The following RNF121 variants were observed in gnomAD, a reference collection of about 807,000 sequenced individuals.
The protein encoded by RNF121 is E3 ubiquitin ligase RNF121.
Under a neutral mutation model 46.5 loss-of-function variants are expected in RNF121, and 21 were observed. The ratio of observed to expected loss-of-function variants is 0.45; its 90% confidence interval spans 0.32 to 0.65. The LOEUF (loss-of-function observed/expected upper bound fraction) is 0.65. Ranked by LOEUF, RNF121 falls within the 30% of genes least tolerant of loss-of-function variation. The probability of loss-of-function intolerance (pLI) is 0.04; values close to 1 mark genes in which losing one functional copy is unlikely to be tolerated. For missense variants in RNF121, 346 were observed against 416.0 expected (o/e 0.83, Z 1.46); for synonymous variants, 139 against 144.7 (o/e 0.96, Z 0.28).
intron 1 of RNF121, among the ~76,000 whole-genome samples, chr11:71,951,854 C>T (rs1387047565): frequency 1.3e-5 from 2 of 152,216 alleles, no homozygotes; most frequent in African/African-American, 4.8e-5. Flanking sequence ...AAATTGGAAC[C>T]CTCACACACT....
intron 1 of RNF121, among the ~76,000 whole-genome samples, chr11:71,947,368 A>G (rs535200338): frequency 6.6e-6 from 1 of 152,082 alleles, no homozygotes; most frequent in Non-Finnish European, 1.5e-5. Context: ...ATGTGCCTAT[A>G]GTCCTAGCTA....
chr11:71,952,665 C>T (rs1565146354), intron 1 of RNF121, among the ~76,000 whole-genome samples: 1 of 152,036 alleles, frequency 6.6e-6, no homozygotes, highest in Admixed American at 6.6e-5. Context: ...AAAAATTAGC[C>T]AGGCGTGGTG....
Position 71,996,285 on chromosome 11 carries a change from A to G in RNF121, c.954A>G (p.Gln318=). The G allele has an allele frequency of 6.2e-7, 1 of 1,614,178 alleles. No homozygotes were observed. The highest frequency in any genetic ancestry group is 8.5e-7 in the Non-Finnish European group (1 of 1,180,016). ...AWQPVIIGVV[Q]GINYILGLE ...AGCCTGTCATCATTGGTGTAGTCCAAGGCATCAACTACATCCTGGGCCTGG... is the reference window on the plus strand; with the variant it reads ...AGCCTGTCATCATTGGTGTAGTCCAGGGCATCAACTACATCCTGGGCCTGG... Residue 318 remains glutamine (Q), a synonymous_variant, in exon 9 of 9, where the codon CAA becomes CAG. Coordinates refer to ENST00000361756, the MANE Select transcript of RNF121 (RefSeq NM_018320.5).
Position 71,996,758 on chromosome 11 carries a change from T to TG in RNF121, c.*443_*444insG. 1 of 174,304 alleles carries TG rather than the reference T, an allele frequency of 5.7e-6. No homozygotes were observed. The highest frequency in any genetic ancestry group is 1.1e-4 in the South Asian group (1 of 8,980). 10.8% of individuals were successfully genotyped at this position (174,304 alleles called of 1,614,324 possible). A position where few individuals can be genotyped will look rare whatever the true frequency, so the allele number is the denominator to read the frequency against. ...TGGGGCTCAAGCCTGGTGCACTTAG[T>TG]ATAGAAGAGCTAACGTACTCAGGCT... On this transcript the variant is annotated 3_prime_UTR_variant, in exon 9 of 9. Transcript: ENST00000361756.
chr11:71,974,130 A>T (rs533165009), intron 3 of RNF121, among the ~76,000 whole-genome samples: 53 of 152,102 alleles, frequency 3.5e-4, no homozygotes, highest in African/African-American at 1.3e-3. Flanking sequence ...TTTAGTAGAG[A>T]CGGGGTTTCA....
intron 1 of RNF121, among the ~76,000 whole-genome samples, chr11:71,935,527 G>C (rs745529973): frequency 3.2e-4 from 49 of 152,308 alleles, no homozygotes; most frequent in Non-Finnish European, 7.1e-4. Flanking sequence ...TGGAGTCATG[G>C]TATTTGTCTT....
At chr11:71,955,210 C>A (rs1368611479) in intron 1 of RNF121, among the ~76,000 whole-genome samples, 1 of 152,168 alleles carries the variant, frequency 6.6e-6, no homozygotes, top group Non-Finnish European at 1.5e-5. Flanking sequence ...AGGTCTCTTG[C>A]TTGCCCTATC....
At chr11:71,970,286 T>C (rs2134189218) in intron 3 of RNF121, among the ~76,000 whole-genome samples, 1 of 152,306 alleles carries the variant, frequency 6.6e-6, no homozygotes, top group Middle Eastern at 3.4e-3. Flanking sequence ...TACAAAATAG[T>C]AACAGATAGT....
In RNF121 at chr11:71,962,597, A is replaced by G. The variant is rs146378898; in HGVS notation, c.243+1706A>G. On this transcript the variant is annotated intron_variant, in intron 3 of 8. Transcript: ENST00000361756. ...AATGTGCAGTTTACTTGTTACTACC[A>G]CATCCTGTAAACATAATGCTGAATT... is the stretch of plus-strand genomic sequence containing the variant. 3.3e-3 allele frequency among the ~76,000 whole-genome samples: 500 copies of G among 152,364 alleles called. 4 individuals are homozygous for G. Among genetic ancestry groups the G allele is most frequent in the African/African-American group, 0.011 (451 of 41,584 alleles).
At chr11:71,984,655 T>C (rs1954732163) in intron 4 of RNF121, among the ~76,000 whole-genome samples, 1 of 151,802 alleles carries the variant, frequency 6.6e-6, no homozygotes, top group South Asian at 2.1e-4. Context: ...TGCAGTTCAC[T>C]GCAACCTCTG....
chr11:71,968,311 C>T (rs1379972903), intron 3 of RNF121, among the ~76,000 whole-genome samples: 1 of 152,130 alleles, frequency 6.6e-6, no homozygotes, highest in Non-Finnish European at 1.5e-5. Flanking sequence ...CAAACTGCCT[C>T]GGCCTCGCAA....
In RNF121 at chr11:71,996,108, G is replaced by A; in HGVS notation, c.864-87G>A. ...CTAGGCTGTGGAGCAGCTGGAAAGTGGGGCAGACCCAGGGAGCCCCACCAC... is the reference window on the plus strand; with the variant it reads ...CTAGGCTGTGGAGCAGCTGGAAAGTAGGGCAGACCCAGGGAGCCCCACCAC... On this transcript the variant is annotated intron_variant, in intron 8 of 8. Coordinates refer to ENST00000361756, the MANE Select transcript of RNF121 (RefSeq NM_018320.5). The A allele has an allele frequency of 3.3e-6, 5 of 1,502,718 alleles. No homozygotes were observed. The South Asian group carries it at 4.8e-5, about 14-fold the overall frequency. 93.1% of individuals were successfully genotyped at this position (1,502,718 alleles called of 1,614,324 possible). A position where few individuals can be genotyped will look rare whatever the true frequency, so the allele number is the denominator to read the frequency against.
intron 4 of RNF121, 58 bp downstream of exon 4, chr11:71,982,973 C>T (rs1260366722): frequency 5.3e-6 from 8 of 1,511,886 alleles, no homozygotes; most frequent in East Asian, 4.7e-5. Flanking sequence ...GGTTGGAATG[C>T]ATGGGAGGAG....
At chr11:71,950,926 G>A (rs932417722) in intron 1 of RNF121, among the ~76,000 whole-genome samples, 1 of 152,144 alleles carries the variant, frequency 6.6e-6, no homozygotes, top group Non-Finnish European at 1.5e-5. Context: ...CATTTTAGCT[G>A]AAGAATGCAA....
At chr11:71,991,494 A>C (rs1244513069) in intron 6 of RNF121, among the ~76,000 whole-genome samples, 2 of 152,210 alleles carry the variant, frequency 1.3e-5, no homozygotes, top group African/African-American at 2.4e-5. Flanking sequence ...ATAAAAATAA[A>C]ATTACAACTT....
At chr11:71,990,780 C>G (rs903698138) in intron 6 of RNF121, 63 bp downstream of exon 6, 2 of 1,588,922 alleles carry the variant, frequency 1.3e-6, no homozygotes, top group Middle Eastern at 1.7e-4. Context: ...AAGTTGATGT[C>G]ACTTGTTTAA....
rs1322439634 is a variant in RNF121, at chr11:71,994,851, G to A, written c.760G>A (p.Val254Ile). The A allele has an allele frequency of 5.6e-6, 9 of 1,614,170 alleles. No individual in the cohort carries two copies. Among genetic ancestry groups the A allele is most frequent in the Non-Finnish European group, 7.6e-6 (9 of 1,180,028 alleles). ...ENTYRLSCNHVFHEFCIRGWC... is the reference protein window; with the variant it reads ...ENTYRLSCNHIFHEFCIRGWC... The stretch of plus-strand genomic sequence containing the variant: ...CACGTATAGGCTGTCCTGCAATCAT[G>A]TGTATCCTGCCTCGAGCTCCTGGGC... Residue 254 changes from valine to isoleucine, a missense_variant and splice_region_variant, in exon 7 of 9, where the codon GTC (valine) becomes ATC (isoleucine). Physicochemically the swap from Val to Ile is conservative, Grantham distance 29 (BLOSUM62 3). Around this residue, in one of 2 missense-constraint regions of RNF121, gnomAD observed 286 missense variants for 383.8 expected, o/e 0.75. Coordinates refer to ENST00000361756, the MANE Select transcript of RNF121 (RefSeq NM_018320.5).
At chr11:71,978,019 C>A in intron 3 of RNF121, 1 of 282,806 alleles carries the variant, frequency 3.5e-6, no homozygotes, top group South Asian at 2.7e-5. Flanking sequence ...ACATATTTAC[C>A]AAGCAAAATG....
intron 6 of RNF121, among the ~76,000 whole-genome samples, chr11:71,993,738 T>C (rs140974982): frequency 8.5e-5 from 13 of 152,282 alleles, no homozygotes; most frequent in Non-Finnish European, 1.8e-4. Flanking sequence ...CATTTGGTAA[T>C]TTTATGTTTA....
Sources: allele counts gnomAD v4.1 joint callset (sites outside exome capture counted in the v4.1 genomes callset), GRCh38; gene constraint gnomAD v4.1.1; regional missense constraint gnomAD v4.1.1; transcripts MANE v1.5; gene names NCBI Gene and HGNC (gene_info 2026-07-23, HGNC 2026-07-21).